The following PTPRS variants were observed in gnomAD, a reference collection of about 807,000 sequenced individuals.
PTPRS encodes protein tyrosine phosphatase receptor type S, also known as receptor-type tyrosine-protein phosphatase S.
PTPRS carries 63 observed loss-of-function variants against 215.3 expected under a neutral mutation model. That is an observed-to-expected ratio of 0.29 (90% CI 0.24 to 0.36). The LOEUF (loss-of-function observed/expected upper bound fraction) is 0.36. Ranked by LOEUF, PTPRS falls within the 10% of genes least tolerant of loss-of-function variation. The pLI is 1.00. For synonymous variants in PTPRS, 1,404 were observed against 1,191.4 expected, an observed-to-expected ratio of 1.18 and a Z score of -3.68; for missense variants, 2,258 against 2,825.8, an observed-to-expected ratio of 0.80 and a Z score of 4.56.
intron 1 of PTPRS, among the ~76,000 whole-genome samples, chr19:5,302,778 C>A (rs1228896786): frequency 6.6e-6 from 1 of 151,994 alleles, no homozygotes; most frequent in African/African-American, 2.4e-5. Context: ...CATGGCTCGG[C>A]CAGGCGTGGT....
At chr19:5,267,486 G>A (rs1343250470) in intron 4 of PTPRS, among the ~76,000 whole-genome samples, 10 of 151,892 alleles carry the variant, frequency 6.6e-5, no homozygotes, top group African/African-American at 1.2e-4. Context: ...GTGAAACCCC[G>A]TCTCTACTAA....
chr19:5,215,155 CCAGTGGCCTCCAGT>C, intron 28 of PTPRS, 120 bp downstream of exon 28: 2 of 1,163,688 alleles, frequency 1.7e-6, no homozygotes, highest in Non-Finnish European at 2.5e-6. Context: ...CTAAAGATGC[CCAGTGGCCTCCAGT>C]TGGAGCTGGA....
intron 21 of PTPRS, 26 bp downstream of exon 21, chr19:5,220,228 TGGGCCC>T: frequency 6.2e-7 from 1 of 1,610,860 alleles, no homozygotes; most frequent in Non-Finnish European, 8.5e-7. Flanking sequence ...GGAATGCATC[TGGGCCC>T]TGCGGGTTGG....
rs778300034 is a variant in PTPRS, at chr19:5,218,548, G to A, written c.3936-16C>T. 4 of 1,612,136 alleles carry A rather than the reference G, an allele frequency of 2.5e-6. No individual in the cohort carries two copies. The South Asian group carries it at 4.4e-5, about 18-fold the overall frequency. On this transcript the variant is annotated splice_polypyrimidine_tract_variant and intron_variant, in intron 24 of 37. Transcript: ENST00000262963. ...CTTGCGTTTACTTTAGGAGAAGCAA[G>A]CGGAACAGTCCAGTTAGTAGTGGCA...
intron 1 of PTPRS, among the ~76,000 whole-genome samples, chr19:5,329,756 C>T (rs978519945): frequency 1.4e-5 from 2 of 146,652 alleles, no homozygotes; most frequent in African/African-American, 2.5e-5. Context: ...CAGAGCAACA[C>T]TCCATCTCCT....
chr19:5,327,897 G>A (rs1281678886), intron 1 of PTPRS, among the ~76,000 whole-genome samples: 2 of 151,996 alleles, frequency 1.3e-5, no homozygotes, highest in Admixed American at 6.6e-5. Flanking sequence ...CACCATGCCC[G>A]GGTACTGGTT....
rs776795641 is a variant in PTPRS, at chr19:5,210,683, C to A, written c.5357G>T (p.Gly1786Val). The change falls in exon 34 of 38, where the codon GGC becomes GTC. Residue 1786 changes from glycine (G) to valine (V), a missense_variant. Gly to Val is a moderately radical substitution (Grantham distance 109). This residue lies in a region of PTPRS where 927 missense variants were observed against 1,125.9 expected (regional missense o/e 0.82). Coordinates refer to ENST00000262963, the MANE Select transcript of PTPRS (RefSeq NM_002850.4). This position sits in a 1 kb window ranked among gnomAD's most constrained non-coding sequence, Gnocchi z 4.5. Reference protein sequence around the residue: ...VVMLTKLREMGREKCHQYWPA... With the variant: ...VVMLTKLREMVREKCHQYWPA... ...CTGCTGTGGCCCCTAGCTCACCCGG[C>A]CCATCTCCCGCAGCTTGGTCAGCAT... The A allele has an allele frequency of 6.2e-7, 1 of 1,614,138 alleles. No individual in the cohort carries two copies. Among genetic ancestry groups the A allele is most frequent in the East Asian group, 2.2e-5 (1 of 44,884 alleles).
At chr19:5,290,123 G>A (rs2048690295) in intron 1 of PTPRS, among the ~76,000 whole-genome samples, 1 of 152,246 alleles carries the variant, frequency 6.6e-6, no homozygotes, top group East Asian at 1.9e-4. Context: ...GCTGGACGCT[G>A]AACCCATGTG....
chr19:5,254,769 CAG>C (rs2045425042), intron 9 of PTPRS, among the ~76,000 whole-genome samples: 4 of 152,172 alleles, frequency 2.6e-5, no homozygotes, highest in Admixed American at 2.0e-4. Context: ...GCCTGGGAGG[CAG>C]AGGCATAGTG....
chr19:5,280,562 A>C (rs538879902), intron 2 of PTPRS, among the ~76,000 whole-genome samples: 1 of 151,860 alleles, frequency 6.6e-6, no homozygotes, highest in East Asian at 2.0e-4. Context: ...CTACTAAAAA[A>C]ATACAAAAAT....
At chr19:5,251,164 C>G (rs1429225540) in intron 9 of PTPRS, among the ~76,000 whole-genome samples, 1 of 152,102 alleles carries the variant, frequency 6.6e-6, no homozygotes, top group African/African-American at 2.4e-5. Flanking sequence ...ACTTCTTGTC[C>G]TCTCCTTTGA....
chr19:5,288,877 A>C (rs1485788167), intron 1 of PTPRS, among the ~76,000 whole-genome samples: 1 of 152,220 alleles, frequency 6.6e-6, no homozygotes, highest in Non-Finnish European at 1.5e-5. Flanking sequence ...GGCAGAAGCC[A>C]TGTTGGGCCC....
At chr19:5,280,811 A>G (rs2047786172) in intron 2 of PTPRS, among the ~76,000 whole-genome samples, 1 of 150,792 alleles carries the variant, frequency 6.6e-6, no homozygotes, top group Admixed American at 6.6e-5. Flanking sequence ...TTGTTTTTTG[A>G]GATGGAGTCT....
intron 9 of PTPRS, among the ~76,000 whole-genome samples, chr19:5,251,836 G>A (rs759910358): frequency 9.2e-5 from 14 of 152,104 alleles, no homozygotes; most frequent in Middle Eastern, 3.2e-3. Flanking sequence ...TTAAGCCAGC[G>A]GCCTTAGGTA....
At chr19:5,300,442 C>T (rs761169705) in intron 1 of PTPRS, among the ~76,000 whole-genome samples, 3 of 151,756 alleles carry the variant, frequency 2.0e-5, no homozygotes, top group Admixed American at 6.6e-5. Flanking sequence ...CTGCCAGGGT[C>T]GAGTACACAG....
Position 5,287,537 on chromosome 19 carries a change from C to G in PTPRS, c.-94-1303G>C, listed in dbSNP as rs1038358163. On this transcript the variant is annotated intron_variant, in intron 1 of 37. Coordinates refer to ENST00000262963, the MANE Select transcript of PTPRS (RefSeq NM_002850.4). This position sits in a 1 kb window ranked among gnomAD's most constrained non-coding sequence, Gnocchi z 4.8. ...GAAGGGAGAGGCCCAAGGATAAGATCTTTGTTGCCTAGTCAGGCTGGCACC... is the reference window on the plus strand; with the variant it reads ...GAAGGGAGAGGCCCAAGGATAAGATGTTTGTTGCCTAGTCAGGCTGGCACC... Among the ~76,000 whole-genome samples the G allele has an allele frequency of 1.3e-5, 2 of 152,168 alleles. No homozygotes were observed. Among genetic ancestry groups the G allele is most frequent in the Admixed American group, 6.6e-5 (1 of 15,266 alleles).
chr19:5,237,349 C>T lies in PTPRS; in HGVS notation c.1849+1570G>A, dbSNP rs1208159916. On this transcript the variant is annotated intron_variant, in intron 13 of 37. Coordinates refer to ENST00000262963, the MANE Select transcript of PTPRS (RefSeq NM_002850.4). This position sits in a 1 kb window ranked among gnomAD's most constrained non-coding sequence, Gnocchi z 4.2. ...TTGCTGTCGGTTCTCCTGGGCCCCA[C>T]CCGTCTCGGGGCAAGAAGCGGGGAG... Among the ~76,000 whole-genome samples, 2 of 152,264 alleles carry T rather than the reference C, an allele frequency of 1.3e-5. No individual in the cohort carries two copies. The highest frequency in any genetic ancestry group is 2.9e-5 in the Non-Finnish European group (2 of 68,048).
intron 30 of PTPRS, 99 bp downstream of exon 30, chr19:5,214,262 C>A: frequency 6.5e-7 from 1 of 1,532,114 alleles, no homozygotes; most frequent in Non-Finnish European, 8.9e-7. Flanking sequence ...CGCTTTCTCT[C>A]TGTCCCATGG....
At chr19:5,302,062 G>C (rs1056028317) in intron 1 of PTPRS, among the ~76,000 whole-genome samples, 1 of 151,152 alleles carries the variant, frequency 6.6e-6, no homozygotes, top group African/African-American at 2.5e-5. Flanking sequence ...GATTACAGGT[G>C]TGAGCCACCA....
Sources: allele counts gnomAD v4.1 joint callset (sites outside exome capture counted in the v4.1 genomes callset), GRCh38; gene constraint gnomAD v4.1.1; regional missense constraint gnomAD v4.1.1; non-coding constraint Gnocchi (gnomAD v3.1); transcripts MANE v1.5; gene names NCBI Gene and HGNC (gene_info 2026-07-23, HGNC 2026-07-21).